The following SSBP3 variants were observed in gnomAD, a reference collection of about 807,000 sequenced individuals.
SSBP3 encodes the protein single-stranded DNA-binding protein 3.
Under a neutral mutation model 69.6 loss-of-function variants are expected in SSBP3, and 5 were observed. The ratio of observed to expected loss-of-function variants is 0.07; its 90% confidence interval spans 0.04 to 0.15. The LOEUF (loss-of-function observed/expected upper bound fraction) is 0.15, where lower values mean the gene tolerates loss of function less well. Ranked by LOEUF, SSBP3 falls within the 10% of genes least tolerant of loss-of-function variation. The probability of loss-of-function intolerance (pLI) is 1.00; values close to 1 mark genes in which losing one functional copy is unlikely to be tolerated. For missense variants in SSBP3, 312 were observed against 534.0 expected (o/e 0.58, Z 4.10); for synonymous variants, 196 against 193.4 (o/e 1.01, Z -0.11).
chr1:54,393,911 C>G (rs746116103), intron 4 of SSBP3, among the ~76,000 whole-genome samples: 2 of 152,182 alleles, frequency 1.3e-5, no homozygotes, highest in African/African-American at 2.4e-5. Context: ...AGGCGCCCAC[C>G]ACCACGTCTG....
chr1:54,335,812 T>C (rs1646497780), intron 4 of SSBP3: 1 of 152,246 alleles, frequency 6.6e-6, no homozygotes, highest in African/African-American at 2.4e-5. Flanking sequence ...TGGTCAGCTC[T>C]TGTCGCTTCT....
chr1:54,271,568 C>T (rs1368640431), intron 5 of SSBP3, among the ~76,000 whole-genome samples: 3 of 151,828 alleles, frequency 2.0e-5, no homozygotes, highest in Admixed American at 6.6e-5. Flanking sequence ...GCAGGGCCAT[C>T]GTGCTCCAAA....
chr1:54,336,139 G>A (rs1557542789), intron 4 of SSBP3, among the ~76,000 whole-genome samples: 1 of 152,180 alleles, frequency 6.6e-6, no homozygotes, highest in South Asian at 2.1e-4. Flanking sequence ...TCTTAGCCAG[G>A]GACTTCTGTA....
chr1:54,412,841 G>C (rs1650027664), intron 1 of SSBP3: 1 of 151,884 alleles, frequency 6.6e-6, no homozygotes, highest in African/African-American at 2.4e-5. Context: ...CAGCCTCCTG[G>C]GTAGCTGGGA....
At chr1:54,282,666 C>A (rs1037433125) in intron 4 of SSBP3, among the ~76,000 whole-genome samples, 4 of 152,206 alleles carry the variant, frequency 2.6e-5, no homozygotes, top group Non-Finnish European at 4.4e-5. Context: ...GACATCTGGG[C>A]CCCAGCCCTG....
chr1:54,358,177 T>C lies in SSBP3; in HGVS notation c.276+43684A>G, dbSNP rs150575058. Among the ~76,000 whole-genome samples the C allele has an allele frequency of 7.2e-5, 11 of 152,340 alleles. No homozygotes were observed. In the East Asian group the frequency reaches 2.1e-3, roughly 29 times the overall value. ...CTTATCTTCATTGGGCACTTAACTA[T>C]GTGCCAGGCACTGCACATACAAAAT... On this transcript the variant is annotated intron_variant, in intron 4 of 17. Coordinates refer to ENST00000610401, the Ensembl canonical transcript of SSBP3.
chr1:54,332,945 C>T (rs951358649), intron 4 of SSBP3, among the ~76,000 whole-genome samples: 3 of 152,258 alleles, frequency 2.0e-5, no homozygotes, highest in African/African-American at 4.8e-5. Context: ...CACACACACA[C>T]GCGTGCGCCT....
At chr1:54,355,569 G>A (rs1646849686) in intron 4 of SSBP3, among the ~76,000 whole-genome samples, 1 of 152,052 alleles carries the variant, frequency 6.6e-6, no homozygotes, top group South Asian at 2.1e-4. Flanking sequence ...GGCTGGTCTG[G>A]AACTCCTGGC....
intron 4 of SSBP3, among the ~76,000 whole-genome samples, chr1:54,304,925 A>ACCACCC (rs1645870655): frequency 6.6e-6 from 1 of 152,118 alleles, no homozygotes; most frequent in Admixed American, 6.5e-5. Flanking sequence ...GACCACCACC[A>ACCACCC]CCACCCCCAC....
intron 4 of SSBP3, among the ~76,000 whole-genome samples, chr1:54,351,849 C>T (rs1646785216): frequency 6.6e-6 from 1 of 152,192 alleles, no homozygotes; most frequent in African/African-American, 2.4e-5. Flanking sequence ...CTCGATCTGG[C>T]CCAGCTCAGC....
At position 54,242,227 on chromosome 1, in the gene SSBP3, AAG is replaced by A. The variant is rs946175297; in HGVS notation, c.717-17_717-16del. 4.3e-6 allele frequency: 7 copies of A among 1,613,656 alleles called. No individual in the cohort carries two copies. The African/African-American group carries it at 6.7e-5, about 15-fold the overall frequency. ...CTCCCGGGCCCCTGAGAGAGGGAGA[AAG>A]AGATGTGGACAATGAAAAAGGCGCT... On this transcript the variant is annotated splice_polypyrimidine_tract_variant and intron_variant, in intron 10 of 17. Transcript: ENST00000610401.
intron 9 of SSBP3, among the ~76,000 whole-genome samples, chr1:54,248,154 G>A (rs1176853502): frequency 2.6e-5 from 4 of 152,218 alleles, no homozygotes; most frequent in Non-Finnish European, 5.9e-5. Flanking sequence ...CTGGCTAAAA[G>A]CAATCTAATT....
intron 4 of SSBP3, among the ~76,000 whole-genome samples, chr1:54,302,596 C>A (rs1218031898): frequency 6.6e-6 from 1 of 152,152 alleles, no homozygotes; most frequent in Admixed American, 6.5e-5. Flanking sequence ...CTTTTAAGCA[C>A]CCTAAGGGCA....
intron 4 of SSBP3, among the ~76,000 whole-genome samples, chr1:54,345,591 T>TC: frequency 6.6e-6 from 1 of 152,310 alleles, no homozygotes; most frequent in Admixed American, 6.5e-5. Context: ...CATGAACATC[T>TC]CCTTTTAAGA....
intron 4 of SSBP3, among the ~76,000 whole-genome samples, chr1:54,373,769 G>GAAA (rs567212062): frequency 3.8e-5 from 4 of 104,560 alleles, no homozygotes; most frequent in Non-Finnish European, 6.1e-5. Context: ...CCTGTTTCAA[G>GAAA]AAAAAAAAAA....
In SSBP3 at chr1:54,258,024, C is replaced by T. The variant is rs762365537; in HGVS notation, c.447+45G>A. 1.4e-4 allele frequency: 211 copies of T among 1,543,560 alleles called. No individual in the cohort carries two copies. The highest frequency in any genetic ancestry group is 2.2e-4 in the Middle Eastern group (1 of 4,454). The stretch of plus-strand genomic sequence containing the variant: ...TCCTCTGCGGGCTCTCTGCTTCCTC[C>T]GCGCCCCGCGTCCCCGGCGGGCGGG... On this transcript the variant is annotated intron_variant, in intron 6 of 17. Coordinates refer to ENST00000610401, the Ensembl canonical transcript of SSBP3. The surrounding 1 kb of genome is among the most constrained non-coding windows in gnomAD (Gnocchi z 4.5).
chr1:54,316,654 AAAAAATAAAAT>A (rs60715769), intron 4 of SSBP3, among the ~76,000 whole-genome samples: 8,740 of 72,740 alleles, frequency 0.12, 1,016 homozygotes, highest in East Asian at 0.3. Flanking sequence ...TCTCAAAAAA[AAAAAATAAAAT>A]AAATAAATAA....
At chr1:54,350,256 G>A (rs764238723) in intron 4 of SSBP3, among the ~76,000 whole-genome samples, 7 of 152,178 alleles carry the variant, frequency 4.6e-5, no homozygotes, top group South Asian at 2.1e-4. Context: ...ATAAAAATGG[G>A]CAAAATAATA....
At chr1:54,327,055 A>T (rs917196485) in intron 4 of SSBP3, among the ~76,000 whole-genome samples, 25 of 151,974 alleles carry the variant, frequency 1.6e-4, no homozygotes, top group Admixed American at 6.6e-5. Flanking sequence ...CTGGTTTCTA[A>T]GCAGTAACTC....
Sources: allele counts gnomAD v4.1 joint callset (sites outside exome capture counted in the v4.1 genomes callset), GRCh38; gene constraint gnomAD v4.1.1; non-coding constraint Gnocchi (gnomAD v3.1); transcripts MANE v1.5; gene names NCBI Gene and HGNC (gene_info 2026-07-23, HGNC 2026-07-21).